The following PXDC1 variants were observed in gnomAD, a reference collection of about 807,000 sequenced individuals.
PXDC1 encodes PX domain containing 1.
A neutral mutation model predicts 24.4 loss-of-function variants in PXDC1; 13 were observed. That is an observed-to-expected ratio of 0.53 (90% CI 0.35 to 0.85). PXDC1 has a LOEUF of 0.85. Among genes scored for constraint, PXDC1 ranks in the 40% least tolerant of loss-of-function variants. The pLI is 0.01. For missense variants in PXDC1, 344 were observed against 309.3 expected (o/e 1.11, Z -0.84); for synonymous variants, 162 against 124.9 (o/e 1.30, Z -1.98).
chr6:3,730,397 G>A (rs226955), intron 3 of PXDC1, among the ~76,000 whole-genome samples: 20,203 of 152,074 alleles, frequency 0.13, 2,158 homozygotes, highest in African/African-American at 0.25. Context: ...GCTTTTATAC[G>A]CCTGTGCCAG....
Position 3,742,833 on chromosome 6 carries a change from T to TGG in PXDC1, c.257-4687_257-4686dup, listed in dbSNP as rs147206933. On this transcript the variant is annotated intron_variant, in intron 1 of 4. Transcript: ENST00000380283. ...CCGGTGGGCCAACTGGACACACATTTGGGGACTGAGTATCAACAGGGGGCT... is the reference window on the plus strand; with the variant it reads ...CCGGTGGGCCAACTGGACACACATTTGGGGGGACTGAGTATCAACAGGGGGCT... Among the ~76,000 whole-genome samples, 770 of 152,320 alleles carry TGG rather than the reference T, an allele frequency of 5.1e-3. 7 individuals carry two copies. The highest frequency in any genetic ancestry group is 0.018 in the African/African-American group (743 of 41,574).
intron 1 of PXDC1, 78 bp from the exon 2 acceptor site, chr6:3,738,226 C>T: frequency 5.6e-6 from 6 of 1,077,536 alleles, no homozygotes; most frequent in South Asian, 1.3e-5. Context: ...ACAACAGGTG[C>T]CCACAAACCG....
chr6:3,751,376 G>A lies in PXDC1; in HGVS notation c.156C>T (p.Tyr52=), dbSNP rs1581255951. The change falls in exon 1 of 5, where the codon TAC becomes TAT. Residue 52 remains tyrosine (Y), a synonymous_variant. Transcript: ENST00000380283. ...RTEWSDRSVL[Y]LHRSLADLGR... ...CCAGGTCCGCCAGGCTGCGGTGCAG[G>A]TAGAGCACGCTGCGGTCCGACCACT... 1.3e-6 allele frequency: 2 copies of A among 1,564,828 alleles called. No homozygotes were observed. Among genetic ancestry groups the A allele is most frequent in the East Asian group, 4.8e-5 (2 of 41,914 alleles).
At chr6:3,732,586 C>T (rs1561733265) in intron 3 of PXDC1, among the ~76,000 whole-genome samples, 2 of 152,232 alleles carry the variant, frequency 1.3e-5, no homozygotes, top group African/African-American at 2.4e-5. Context: ...TGCTTTCTTA[C>T]ATTTGATAAG....
chr6:3,731,597 C>T (rs924632792), intron 3 of PXDC1, among the ~76,000 whole-genome samples: 2 of 152,236 alleles, frequency 1.3e-5, no homozygotes, highest in African/African-American at 4.8e-5. Flanking sequence ...TGAAAGACCT[C>T]CTTCACTTGA....
At position 3,725,998 on chromosome 6, in the gene PXDC1, G is replaced by A. The variant is rs550369307; in HGVS notation, c.578+1553C>T. Among the ~76,000 whole-genome samples, 9 of 152,180 alleles carry A rather than the reference G, an allele frequency of 5.9e-5. No homozygotes were observed. Among genetic ancestry groups the A allele is most frequent in the Non-Finnish European group, 1.0e-4 (7 of 68,034 alleles). ...CACATGCAGTCAGTCCCGGGCAGCT[G>A]CAAGAGCCACACCTCTGGCCCGGCT... On this transcript the variant is annotated intron_variant, in intron 4 of 4. Transcript: ENST00000380283. This position sits in a 1 kb window ranked among gnomAD's most constrained non-coding sequence, Gnocchi z 4.8.
In PXDC1 at chr6:3,723,378, C is replaced by T; in HGVS notation, c.*241G>A. 3.6e-6 allele frequency: 2 copies of T among 560,314 alleles called. No homozygotes were observed. Among genetic ancestry groups the T allele is most frequent in the Non-Finnish European group, 6.4e-6 (2 of 313,412 alleles). 34.7% of individuals were successfully genotyped at this position (560,314 alleles called of 1,614,324 possible). ...AAGCAGGGAGTGAAGACCCTCAGAACACAGGCCCTGTGGCCTCCGGCTGTG... is the reference window on the plus strand; with the variant it reads ...AAGCAGGGAGTGAAGACCCTCAGAATACAGGCCCTGTGGCCTCCGGCTGTG... On this transcript the variant is annotated 3_prime_UTR_variant, in exon 5 of 5. Coordinates refer to ENST00000380283, the MANE Select transcript of PXDC1 (RefSeq NM_183373.4).
At chr6:3,751,012 G>A (rs969373025) in intron 1 of PXDC1, 16 of 438,762 alleles carry the variant, frequency 3.6e-5, no homozygotes, top group Non-Finnish European at 5.6e-5. Flanking sequence ...AGAGTCCGGC[G>A]CCCGCCCTGC....
intron 1 of PXDC1, among the ~76,000 whole-genome samples, chr6:3,738,533 C>T (rs1760380539): frequency 6.6e-6 from 1 of 152,212 alleles, no homozygotes; most frequent in South Asian, 2.1e-4. Context: ...TGGCCCAGGA[C>T]CAGCCCACCC....
chr6:3,736,729 A>C (rs1760324717), intron 3 of PXDC1, among the ~76,000 whole-genome samples: 1 of 152,232 alleles, frequency 6.6e-6, no homozygotes, highest in African/African-American at 2.4e-5. Flanking sequence ...AACCAAATTC[A>C]ATGCCACGTG....
intron 3 of PXDC1, among the ~76,000 whole-genome samples, chr6:3,729,826 T>C (rs368981632): frequency 7.2e-5 from 11 of 152,146 alleles, no homozygotes; most frequent in African/African-American, 2.2e-4. Flanking sequence ...CCACCCCTTT[T>C]GCAAAGGGAA....
In PXDC1 at chr6:3,738,119, T is replaced by C. The variant is rs372868783; in HGVS notation, c.286A>G (p.Ile96Val). ...GLVAIKEAHD[I>V]ETRLNEVEKL... is the part of the protein sequence containing the mutation. ...TCCACCTCATTAAGCCTGGTCTCTATGTCGTGGGCTTCCTTTATGGCAACC... is the reference window on the plus strand; with the variant it reads ...TCCACCTCATTAAGCCTGGTCTCTACGTCGTGGGCTTCCTTTATGGCAACC... Residue 96 changes from isoleucine (I) to valine (V), a missense_variant, in exon 2 of 5, where the codon ATA (isoleucine) becomes GTA (valine). Transcript: ENST00000380283. 4.3e-6 allele frequency: 7 copies of C among 1,613,990 alleles called. No homozygotes were observed. The highest frequency in any genetic ancestry group is 5.9e-6 in the Non-Finnish European group (7 of 1,179,982).
Position 3,743,841 on chromosome 6 carries a change from C to A in PXDC1, c.257-5693G>T, listed in dbSNP as rs1474005597. On this transcript the variant is annotated intron_variant, in intron 1 of 4. Coordinates refer to ENST00000380283, the MANE Select transcript of PXDC1 (RefSeq NM_183373.4). ...CCACGCTGCAATGCATCAGGGGCGC[C>A]CAGCGGCTGGTCCACAGCCACCTCT... 4.6e-5 allele frequency among the ~76,000 whole-genome samples: 7 copies of A among 152,196 alleles called. No individual in the cohort carries two copies. The East Asian group carries it at 1.4e-3, about 29-fold the overall frequency.
chr6:3,726,606 G>A lies in PXDC1; in HGVS notation c.578+945C>T, dbSNP rs1176481644. ...GCAGAGGAGGCCCAGGCCGCCGGCT[G>A]GGGCCCAGGTTCACGCTGGGGTCAC... is the stretch of plus-strand genomic sequence containing the variant. On this transcript the variant is annotated intron_variant, in intron 4 of 4. Transcript: ENST00000380283. 2.0e-5 allele frequency among the ~76,000 whole-genome samples: 3 copies of A among 152,268 alleles called. No homozygotes were observed. The East Asian group carries it at 5.8e-4, about 29-fold the overall frequency.
Position 3,737,378 on chromosome 6 carries a change from A to T in PXDC1, c.349-182T>A, listed in dbSNP as rs1216119775. ...GGGCTGCCATCACTGCACAGCCCTC[A>T]CATGCTCATGGCCCAGGCGGCTGAA... On this transcript the variant is annotated intron_variant, in intron 2 of 4. Coordinates refer to ENST00000380283, the MANE Select transcript of PXDC1 (RefSeq NM_183373.4). The surrounding 1 kb of genome is among the most constrained non-coding windows in gnomAD (Gnocchi z 5.5). 1.3e-5 allele frequency among the ~76,000 whole-genome samples: 2 copies of T among 152,224 alleles called. No homozygotes were observed.
At chr6:3,750,165 G>A (rs1157868456) in intron 1 of PXDC1, among the ~76,000 whole-genome samples, 3 of 152,346 alleles carry the variant, frequency 2.0e-5, no homozygotes, top group Admixed American at 1.3e-4. Flanking sequence ...TCTCACACTG[G>A]GGTTGGGGCC....
intron 3 of PXDC1, among the ~76,000 whole-genome samples, chr6:3,734,356 C>T (rs1247295016): frequency 1.3e-5 from 2 of 152,166 alleles, no homozygotes; most frequent in African/African-American, 4.8e-5. Context: ...TAAGGCAAGG[C>T]ACTAAGAGGA....
rs780438610 is a variant in PXDC1 at position 3,723,573 on chromosome 6, G to A, written c.*46C>T. 7.1e-7 allele frequency: 1 copy of A among 1,407,960 alleles called. No individual in the cohort carries two copies. Among genetic ancestry groups the A allele is most frequent in the East Asian group, 2.3e-5 (1 of 44,022 alleles). 87.2% of individuals were successfully genotyped at this position (1,407,960 alleles called of 1,614,324 possible). A position where few individuals can be genotyped will look rare whatever the true frequency, so the allele number is the denominator to read the frequency against. ...GGGGCCAGCACAGTGGACAGCATCAGAGCTGGCAGTGAACAGCTGAGGCGG... is the reference window on the plus strand; with the variant it reads ...GGGGCCAGCACAGTGGACAGCATCAAAGCTGGCAGTGAACAGCTGAGGCGG... On this transcript the variant is annotated 3_prime_UTR_variant, in exon 5 of 5. Coordinates refer to ENST00000380283, the MANE Select transcript of PXDC1 (RefSeq NM_183373.4).
intron 1 of PXDC1, among the ~76,000 whole-genome samples, chr6:3,741,919 T>TAA (rs34053981): frequency 7.2e-5 from 11 of 151,762 alleles, no homozygotes; most frequent in South Asian, 6.3e-4. Flanking sequence ...AAACACTTTT[T>TAA]AAAAAAAAAC....
Sources: gnomAD v4.1 joint callset for allele counts (sites outside exome capture counted in the v4.1 genomes callset) on GRCh38, gnomAD v4.1.1 for gene constraint, Gnocchi (gnomAD v3.1) non-coding constraint, MANE v1.5 for transcripts, NCBI Gene and HGNC (gene_info 2026-07-23, HGNC 2026-07-21) for gene names.